Variants in FOXP2 observed in about 807,000 individuals in gnomAD.
FOXP2 encodes forkhead box P2.
In FOXP2, 12 loss-of-function variants were observed where a neutral mutation model predicts 115.8. That is an observed-to-expected ratio of 0.10 (90% CI 0.07 to 0.17). FOXP2 has a LOEUF of 0.17. FOXP2 is among the 10% of genes least tolerant of loss of function. FOXP2 has a pLI of 1.00. For missense variants in FOXP2, 629 were observed against 843.5 expected, an observed-to-expected ratio of 0.75 and a Z score of 3.15; for synonymous variants, 328 against 297.7, an observed-to-expected ratio of 1.10 and a Z score of -1.05.
chr7:114,469,403 AG>A (rs776125369), intron 2 of FOXP2, among the ~76,000 whole-genome samples: 35 of 152,318 alleles, frequency 2.3e-4, no homozygotes, highest in Non-Finnish European at 3.8e-4. Flanking sequence ...GGACCTTCTG[AG>A]CAGCTCATCC....
At chr7:114,511,697 CT>C (rs1798087693) in intron 2 of FOXP2, among the ~76,000 whole-genome samples, 1 of 152,074 alleles carries the variant, frequency 6.6e-6, no homozygotes, top group African/African-American at 2.4e-5. Context: ...TCATTAATAA[CT>C]TTAATGAAGG....
chr7:114,158,958 T>A (rs1792749677), upstream of FOXP2, among the ~76,000 whole-genome samples: 1 of 152,078 alleles, frequency 6.6e-6, no homozygotes, highest in African/African-American at 2.4e-5. Flanking sequence ...GAGTTAAGAA[T>A]GAAGGATAAG....
At chr7:114,617,021 C>G (rs775964654) in intron 3 of FOXP2, among the ~76,000 whole-genome samples, 22 of 152,152 alleles carry the variant, frequency 1.4e-4, no homozygotes, top group Non-Finnish European at 1.8e-4. Context: ...AAAAGTGCAG[C>G]TGCAAGTGAG....
At chr7:114,621,169 G>T (rs1483874012) in intron 3 of FOXP2, among the ~76,000 whole-genome samples, 1 of 151,952 alleles carries the variant, frequency 6.6e-6, no homozygotes, top group East Asian at 1.9e-4. Flanking sequence ...TGCAGTAATA[G>T]AATTTGCTTT....
chr7:114,330,514 G>A (rs1383457119), intron 2 of FOXP2, among the ~76,000 whole-genome samples: 1 of 148,254 alleles, frequency 6.7e-6, no homozygotes, highest in African/African-American at 2.5e-5. Flanking sequence ...ATATATATAT[G>A]TACACACACA....
intron 1 of FOXP2, among the ~76,000 whole-genome samples, chr7:114,129,461 A>G (rs1226864567): frequency 6.6e-6 from 1 of 152,180 alleles, no homozygotes; most frequent in African/African-American, 2.4e-5. Flanking sequence ...CCATGGGTCA[A>G]TGCCATATAG....
intron 1 of FOXP2, among the ~76,000 whole-genome samples, chr7:114,144,107 T>C (rs902365701): frequency 1.2e-4 from 19 of 152,240 alleles, no homozygotes; most frequent in South Asian, 2.1e-4. Flanking sequence ...CAGGCTAATG[T>C]TAAGTGTCTG....
upstream of FOXP2, among the ~76,000 whole-genome samples, chr7:114,162,211 T>G (rs888952693): frequency 1.3e-5 from 2 of 152,180 alleles, no homozygotes; most frequent in African/African-American, 2.4e-5. Context: ...TCACCAAAGG[T>G]CAGATATTCA....
intron 3 of FOXP2, among the ~76,000 whole-genome samples, chr7:114,541,390 T>C (rs1799653947): frequency 1.3e-5 from 2 of 152,034 alleles, no homozygotes; most frequent in Non-Finnish European, 2.9e-5. Flanking sequence ...CAAATTAGCA[T>C]TGGATTTATT....
chr7:114,500,266 A>G (rs1412021776), intron 2 of FOXP2, among the ~76,000 whole-genome samples: 1 of 151,700 alleles, frequency 6.6e-6, no homozygotes, highest in African/African-American at 2.4e-5. Context: ...TACTCTTGTC[A>G]AAATGAGAAA....
chr7:114,484,879 T>C (rs894467708), intron 2 of FOXP2, among the ~76,000 whole-genome samples: 1 of 151,956 alleles, frequency 6.6e-6, no homozygotes, highest in Non-Finnish European at 1.5e-5. Flanking sequence ...ATTTTTTAAT[T>C]GTACAGAATT....
At chr7:114,105,071 A>AAGGAGGGAATACTCTGAGACTG (rs1185255293) in intron 1 of FOXP2, among the ~76,000 whole-genome samples, 1 of 152,044 alleles carries the variant, frequency 6.6e-6, no homozygotes, top group Non-Finnish European at 1.5e-5. Flanking sequence ...AAATTATATA[A>AAGGAGGGAATACTCTGAGACTG]AGGAGGGAAT....
intron 2 of FOXP2, among the ~76,000 whole-genome samples, chr7:114,355,538 G>A (rs1791599169): frequency 6.6e-6 from 1 of 152,116 alleles, no homozygotes; most frequent in Non-Finnish European, 1.5e-5. Context: ...TGGCTCAGAT[G>A]AAATTTTTTT....
At chr7:114,522,418 C>T (rs1798669808) in intron 2 of FOXP2, among the ~76,000 whole-genome samples, 1 of 152,142 alleles carries the variant, frequency 6.6e-6, no homozygotes, top group Non-Finnish European at 1.5e-5. Context: ...AAGTCATTTC[C>T]TACAAGCAAG....
At chr7:114,626,711 G>T (rs142987005) in intron 3 of FOXP2, among the ~76,000 whole-genome samples, 2 of 151,390 alleles carry the variant, frequency 1.3e-5, no homozygotes, top group Admixed American at 1.3e-4. Context: ...ATGATTGTTC[G>T]AAGAAAAGAC....
chr7:114,382,480 G>T (rs1176370586), intron 2 of FOXP2, among the ~76,000 whole-genome samples: 3 of 152,144 alleles, frequency 2.0e-5, no homozygotes, highest in Admixed American at 2.0e-4. Context: ...TTTTTAAAGT[G>T]TCCTTGTAGA....
intron 1 of FOXP2, among the ~76,000 whole-genome samples, chr7:114,146,732 G>A (rs1356773168): frequency 6.6e-6 from 1 of 152,176 alleles, no homozygotes; most frequent in Non-Finnish European, 1.5e-5. Flanking sequence ...GAAAACAATT[G>A]TTGTTGCCAT....
At chr7:114,465,232 T>A (rs1795751096) in intron 2 of FOXP2, among the ~76,000 whole-genome samples, 1 of 152,222 alleles carries the variant, frequency 6.6e-6, no homozygotes, top group African/African-American at 2.4e-5. Context: ...CCCTAAGTGC[T>A]GGGATTACAG....
rs1255743032 is a variant in FOXP2, at chr7:114,653,952, A to G, written c.1209A>G (p.Gln403=). ...IQLSKERERL[Q]AMMTHLHMRP... Reference sequence around the variant, plus strand: ...TTTCTAAAGAACGCGAACGTCTTCAAGCAATGATGACCCACTTGCACATGC... The same window carrying G: ...TTTCTAAAGAACGCGAACGTCTTCAGGCAATGATGACCCACTTGCACATGC... Residue 403 remains glutamine, a synonymous_variant, in exon 10 of 17, where the codon CAA becomes CAG. Transcript: ENST00000350908. 1 of 1,613,308 alleles carries G rather than the reference A, an allele frequency of 6.2e-7. No individual in the cohort carries two copies. Among genetic ancestry groups the G allele is most frequent in the South Asian group, 1.1e-5 (1 of 91,084 alleles).
Sources: gnomAD v4.1 joint callset for allele counts (sites outside exome capture counted in the v4.1 genomes callset) on GRCh38, gnomAD v4.1.1 for gene constraint, MANE v1.5 for transcripts, NCBI Gene and HGNC (gene_info 2026-07-23, HGNC 2026-07-21) for gene names.